Variants in ASTN2 observed in about 807,000 individuals in gnomAD.
The protein encoded by ASTN2 is astrotactin-2.
In ASTN2, 54 loss-of-function variants were observed where a neutral mutation model predicts 139.8. The observed-to-expected ratio is 0.39, with a 90% CI of 0.31 to 0.48. ASTN2 has a LOEUF of 0.48. Among genes scored for constraint, ASTN2 ranks in the 20% least tolerant of loss-of-function variants. The pLI is 0.95. For synonymous variants in ASTN2, 756 were observed against 719.5 expected (o/e 1.05, Z -0.81); for missense variants, 1,565 against 1,725.1 (o/e 0.91, Z 1.64).
chr9:117,352,931 A>C (rs1415992484), intron 1 of ASTN2, among the ~76,000 whole-genome samples: 1 of 152,204 alleles, frequency 6.6e-6, no homozygotes, highest in Admixed American at 6.5e-5. Context: ...GGAGTAAGTG[A>C]CTTCACTTAC....
chr9:117,304,938 G>GA (rs1463736919), intron 1 of ASTN2, among the ~76,000 whole-genome samples: 2 of 152,132 alleles, frequency 1.3e-5, no homozygotes, highest in Admixed American at 1.3e-4. Context: ...AGAGAAAGAT[G>GA]AAAAAATGGC....
chr9:117,394,355 A>G (rs1397110815), intron 1 of ASTN2, among the ~76,000 whole-genome samples: 3 of 152,158 alleles, frequency 2.0e-5, no homozygotes, highest in African/African-American at 7.2e-5. Flanking sequence ...ATTAAGTAAA[A>G]TTTAAAATTA....
At chr9:117,107,882 A>T (rs576261198) in intron 4 of ASTN2, among the ~76,000 whole-genome samples, 4 of 152,336 alleles carry the variant, frequency 2.6e-5, no homozygotes, top group South Asian at 4.1e-4. Flanking sequence ...CCTTTCTTCT[A>T]GTCTCTCAAG....
chr9:117,066,857 GT>G (rs1827963072), intron 5 of ASTN2, among the ~76,000 whole-genome samples: 3 of 134,954 alleles, frequency 2.2e-5, no homozygotes, highest in Non-Finnish European at 3.2e-5. Context: ...GGGGTTGTTT[GT>G]TTTTTTCTTG....
intron 5 of ASTN2, among the ~76,000 whole-genome samples, chr9:117,074,863 C>A (rs1828237464): frequency 2.0e-5 from 3 of 152,022 alleles, no homozygotes; most frequent in Admixed American, 2.0e-4. Flanking sequence ...GTTTTTATTT[C>A]CATTTCCTAA....
At chr9:117,126,347 C>G (rs532880821) in intron 4 of ASTN2, among the ~76,000 whole-genome samples, 6 of 152,194 alleles carry the variant, frequency 3.9e-5, no homozygotes, top group African/African-American at 1.4e-4. Flanking sequence ...GCAGTCAGGT[C>G]TAAATTTACC....
At chr9:116,824,730 A>G (rs1374159892) in intron 11 of ASTN2, among the ~76,000 whole-genome samples, 2 of 152,244 alleles carry the variant, frequency 1.3e-5, no homozygotes, top group Non-Finnish European at 2.9e-5. Context: ...TTACACAGCA[A>G]TAGCTAACTA....
At chr9:116,905,208 C>G (rs1430671501) in intron 10 of ASTN2, among the ~76,000 whole-genome samples, 3 of 152,102 alleles carry the variant, frequency 2.0e-5, no homozygotes, top group African/African-American at 7.2e-5. Context: ...AGAGCGTGTG[C>G]TCCTTTTGAA....
intron 3 of ASTN2, among the ~76,000 whole-genome samples, chr9:117,191,303 T>C (rs1249757789): frequency 1.3e-5 from 2 of 149,652 alleles, no homozygotes; most frequent in African/African-American, 4.9e-5. Flanking sequence ...TAGAATTACA[T>C]GCATGTTGAA....
chr9:116,809,923 T>G lies in ASTN2; in HGVS notation c.2208-4103A>C, dbSNP rs992336877. On this transcript the variant is annotated intron_variant, in intron 12 of 22. Coordinates refer to ENST00000313400, the MANE Select transcript of ASTN2 (RefSeq NM_001365068.1). ...ATAATGGAATCTATGCTGACATGAT[T>G]CAAGTCACTGCCAGAATTAGTCTTT... Among the ~76,000 whole-genome samples, 5 of 152,162 alleles carry G rather than the reference T, an allele frequency of 3.3e-5. No individual in the cohort carries two copies. In the East Asian group the frequency reaches 9.6e-4, roughly 29 times the overall value.
At chr9:116,780,044 C>T (rs149335191) in intron 13 of ASTN2, among the ~76,000 whole-genome samples, 6 of 152,316 alleles carry the variant, frequency 3.9e-5, no homozygotes, top group African/African-American at 1.4e-4. Flanking sequence ...CATTCACTCA[C>T]CCACTCATTC....
chr9:116,943,997 A>G (rs1835308223), intron 10 of ASTN2, among the ~76,000 whole-genome samples: 1 of 152,008 alleles, frequency 6.6e-6, no homozygotes, highest in African/African-American at 2.4e-5. Context: ...ATAGAAACCG[A>G]CAATTACAAC....
intron 19 of ASTN2, among the ~76,000 whole-genome samples, chr9:116,506,681 C>A (rs995604988): frequency 6.6e-6 from 1 of 152,096 alleles, no homozygotes; most frequent in African/African-American, 2.4e-5. Flanking sequence ...CCATCTCCAA[C>A]CCCCCAAAAA....
At chr9:116,941,256 T>C (rs573303311) in intron 10 of ASTN2, among the ~76,000 whole-genome samples, 361 of 152,286 alleles carry the variant, frequency 2.4e-3, no homozygotes, top group Non-Finnish European at 3.9e-3. Flanking sequence ...GCTTAGAATT[T>C]TCTGGTGAAT....
chr9:117,052,995 G>T (rs896209192), intron 5 of ASTN2, among the ~76,000 whole-genome samples: 1 of 152,208 alleles, frequency 6.6e-6, no homozygotes, highest in African/African-American at 2.4e-5. Flanking sequence ...AGCAAGAAAG[G>T]CTCAGTCAGA....
rs530642542 is a variant in ASTN2, at chr9:116,538,797, G to A, written c.3356-51297C>T. 4.6e-5 allele frequency among the ~76,000 whole-genome samples: 7 copies of A among 152,138 alleles called. No homozygotes were observed. In the East Asian group the frequency reaches 1.4e-3, roughly 29 times the overall value. The stretch of plus-strand genomic sequence containing the variant: ...CATCACCTGTGCTTATGTGAATCTG[G>A]CTGTCATTCCTGGTGGTCCACCTAG... On this transcript the variant is annotated intron_variant, in intron 19 of 22. Transcript: ENST00000313400.
chr9:117,309,354 T>C (rs1336904885), intron 1 of ASTN2, among the ~76,000 whole-genome samples: 1 of 152,224 alleles, frequency 6.6e-6, no homozygotes, highest in Non-Finnish European at 1.5e-5. Flanking sequence ...AGAGAGAATC[T>C]AGACTTAGCA....
chr9:116,871,133 C>A (rs1157522050), intron 10 of ASTN2, among the ~76,000 whole-genome samples: 1 of 152,110 alleles, frequency 6.6e-6, no homozygotes, highest in Non-Finnish European at 1.5e-5. Flanking sequence ...TGGTGGGCAC[C>A]TGTAGTCCCA....
intron 16 of ASTN2, among the ~76,000 whole-genome samples, chr9:116,713,680 A>C (rs1828232934): frequency 6.6e-6 from 1 of 152,214 alleles, no homozygotes; most frequent in Admixed American, 6.5e-5. Flanking sequence ...GAGCATGAAA[A>C]GACAGAAGAA....
Sources: gnomAD v4.1 joint callset for allele counts (sites outside exome capture counted in the v4.1 genomes callset) on GRCh38, gnomAD v4.1.1 for gene constraint, MANE v1.5 for transcripts, NCBI Gene and HGNC (gene_info 2026-07-23, HGNC 2026-07-21) for gene names.